Variants in USP48 observed in about 807,000 individuals in gnomAD.
USP48 encodes the protein ubiquitin specific peptidase 48, also known as ubiquitin carboxyl-terminal hydrolase 48.
Under a neutral mutation model 150.7 loss-of-function variants are expected in USP48, and 43 were observed. The observed-to-expected ratio is 0.29, with a 90% CI of 0.22 to 0.37. The LOEUF (loss-of-function observed/expected upper bound fraction) is 0.37. Among genes scored for constraint, USP48 ranks in the 10% least tolerant of loss-of-function variants. The probability of loss-of-function intolerance (pLI) is 1.00; values close to 1 mark genes in which losing one functional copy is unlikely to be tolerated. For missense variants in USP48, 813 were observed against 1,249.6 expected (o/e 0.65, Z 5.27); for synonymous variants, 396 against 425.9 (o/e 0.93, Z 0.86).
At chr1:21,775,521 T>C (rs942585843) in intron 1 of USP48, among the ~76,000 whole-genome samples, 4 of 152,192 alleles carry the variant, frequency 2.6e-5, no homozygotes, top group African/African-American at 7.2e-5. Flanking sequence ...TAACAAAGTG[T>C]TGGGACTACA....
At chr1:21,738,218 C>T (rs576125192) in intron 8 of USP48, among the ~76,000 whole-genome samples, 14 of 151,964 alleles carry the variant, frequency 9.2e-5, no homozygotes, top group South Asian at 2.1e-4. Flanking sequence ...CCACCACACC[C>T]GGCTAATTTT....
At chr1:21,713,070 C>G (rs1046353697) in intron 15 of USP48, among the ~76,000 whole-genome samples, 1 of 151,086 alleles carries the variant, frequency 6.6e-6, no homozygotes, top group Non-Finnish European at 1.5e-5. Context: ...CTCCCTCCCT[C>G]CCTTTCTTTC....
chr1:21,752,504 T>A, intron 5 of USP48, 23 bp downstream of exon 5: 1 of 1,602,804 alleles, frequency 6.2e-7, no homozygotes, highest in Middle Eastern at 1.7e-4. Flanking sequence ...AAATGTACCA[T>A]GAAAAAGTTG....
chr1:21,745,570 TAATAAAA>T (rs2097792628), intron 8 of USP48, among the ~76,000 whole-genome samples: 1 of 151,972 alleles, frequency 6.6e-6, no homozygotes, highest in African/African-American at 2.4e-5. Context: ...AAAAACAAAT[TAATAAAA>T]AATAAAAAAT....
At chr1:21,732,196 T>C (rs2097758491) in intron 9 of USP48, among the ~76,000 whole-genome samples, 1 of 152,100 alleles carries the variant, frequency 6.6e-6, no homozygotes, top group South Asian at 2.1e-4. Context: ...GGAGAACTGC[T>C]TGAACCCAGA....
chr1:21,760,567 C>T (rs977201477), intron 1 of USP48, among the ~76,000 whole-genome samples: 11 of 151,078 alleles, frequency 7.3e-5, no homozygotes, highest in African/African-American at 2.7e-4. Flanking sequence ...TACAAAAATT[C>T]GCCAGGAGTG....
At chr1:21,701,094 C>A (rs1054370258) in intron 22 of USP48, among the ~76,000 whole-genome samples, 1 of 144,412 alleles carries the variant, frequency 6.9e-6, no homozygotes, top group Non-Finnish European at 1.5e-5. Context: ...AGGCCGGGTG[C>A]GGTGGCTCCT....
chr1:21,759,786 T>A (rs74413987), intron 1 of USP48, among the ~76,000 whole-genome samples: 10,899 of 152,056 alleles, frequency 0.072, 466 homozygotes, highest in Middle Eastern at 0.11. Flanking sequence ...AAACCAACTA[T>A]CAAAGTGGAA....
chr1:21,758,961 T>G (rs1293971967), intron 1 of USP48, among the ~76,000 whole-genome samples: 1 of 151,780 alleles, frequency 6.6e-6, no homozygotes, highest in African/African-American at 2.4e-5. Flanking sequence ...CACTTGAGGT[T>G]AGGAGTTTTG....
At chr1:21,753,990 G>A (rs1336691073) in intron 3 of USP48, among the ~76,000 whole-genome samples, 3 of 151,840 alleles carry the variant, frequency 2.0e-5, no homozygotes, top group African/African-American at 4.8e-5. Context: ...GCGAAACCCC[G>A]TCTCTATTAA....
chr1:21,703,529 C>T lies in USP48; in HGVS notation c.2605G>A (p.Val869Ile). 6.2e-7 allele frequency: 1 copy of T among 1,612,898 alleles called. No individual in the cohort carries two copies. Among genetic ancestry groups the T allele is most frequent in the Non-Finnish European group, 8.5e-7 (1 of 1,179,746 alleles). ...ACCAGTACCTTTTTATTATCCACAA[C>T]TTTATGGACATAGATGGTGGCTTGA... is the stretch of plus-strand genomic sequence containing the variant. ...YTQATIYVHK[V>I]VDNKKVMKDS... The change falls in exon 21 of 27, where the codon GTT (valine) becomes ATT (isoleucine). Residue 869 changes from valine to isoleucine, a missense_variant. By Grantham distance (29) the Val-to-Ile change is conservative. Coordinates refer to ENST00000308271, the MANE Select transcript of USP48 (RefSeq NM_032236.8).
Position 21,695,208 on chromosome 1 carries a change from G to T in USP48, c.2741C>A (p.Thr914Lys), listed in dbSNP as rs1406659561. The T allele has an allele frequency of 3.1e-6, 5 of 1,610,960 alleles. No individual in the cohort carries two copies. Among genetic ancestry groups the T allele is most frequent in the Non-Finnish European group, 3.4e-6 (4 of 1,179,016 alleles). Residue 914 changes from threonine (T) to lysine (K), a missense_variant, in exon 23 of 27, where the codon ACA becomes AAA. Physicochemically the swap from Thr to Lys is moderately conservative, Grantham distance 78. Transcript: ENST00000308271. ...DPDFNQSNGG[T>K]KRQKISHQNY... ...TTGATGGGATATCTTTTGCCGCTTT[G>T]TTCCACCATTGCTCTATAATGAAGA...
chr1:21,681,081 G>C (rs1437619414), intron 25 of USP48: 2 of 373,012 alleles, frequency 5.4e-6, no homozygotes, highest in African/African-American at 4.4e-5. Flanking sequence ...TGTAACTAGG[G>C]CACACCTAGT....
intron 11 of USP48, 106 bp from the exon 12 acceptor site, chr1:21,724,201 CAGA>C: frequency 8.9e-7 from 1 of 1,123,206 alleles, no homozygotes; most frequent in Non-Finnish European, 1.3e-6. Flanking sequence ...CCAGAGTTAG[CAGA>C]ATCAGAAGAA....
In USP48 at chr1:21,706,967, G is replaced by A. The variant is rs558056741; in HGVS notation, c.1964-99C>T. 3,006 of 1,294,248 alleles carry A rather than the reference G, an allele frequency of 2.3e-3. 4 individuals carry two copies. The highest frequency in any genetic ancestry group is 2.9e-3 in the Non-Finnish European group (2,834 of 962,294). 80.2% of individuals were successfully genotyped at this position (1,294,248 alleles called of 1,614,324 possible). On this transcript the variant is annotated intron_variant, in intron 15 of 26. Transcript: ENST00000308271. ...AAACTTAAGAAAAATCCACAGGTAC[G>A]CTTTTCTTGCTTTGCTAAAGTTTGG...
At chr1:21,710,948 C>T (rs2152528005) in intron 15 of USP48, among the ~76,000 whole-genome samples, 1 of 152,086 alleles carries the variant, frequency 6.6e-6, no homozygotes, top group South Asian at 2.1e-4. Flanking sequence ...TCTAGGACTA[C>T]AGCCGTGTGC....
Position 21,747,143 on chromosome 1 carries a change from A to T in USP48, c.915T>A (p.Thr305=). 1 of 1,609,432 alleles carries T rather than the reference A, an allele frequency of 6.2e-7. No homozygotes were observed. Among genetic ancestry groups the T allele is most frequent in the Non-Finnish European group, 8.5e-7 (1 of 1,179,188 alleles). ...AGGTATTCAGCTTTTTCTTATGTCC[A>T]GTTTGCCTAACCAAGAGGAAAGCTG... The part of the protein sequence containing the change: ...QLMRFVFDRQ[T]GHKKKLNTYI... Residue 305 remains threonine, a synonymous_variant, in exon 8 of 27, where the codon ACT becomes ACA. Coordinates refer to ENST00000308271, the MANE Select transcript of USP48 (RefSeq NM_032236.8).
intron 15 of USP48, among the ~76,000 whole-genome samples, chr1:21,709,619 TA>T (rs1361347514): frequency 6.6e-6 from 1 of 151,434 alleles, no homozygotes; most frequent in Non-Finnish European, 1.5e-5. Flanking sequence ...TTGTGTGTGG[TA>T]TAACCCCATG....
At position 21,781,099 on chromosome 1, in the gene USP48, G is replaced by A. The variant is rs536153297; in HGVS notation, c.134+1725C>T. On this transcript the variant is annotated intron_variant, in intron 1 of 26. Transcript: ENST00000308271. ...ATTTATTTTTTTAAATTTATCCAGC[G>A]TCTCACGACGCTGTCTCGAAAAAAA... 1.2e-4 allele frequency among the ~76,000 whole-genome samples: 18 copies of A among 149,212 alleles called. No homozygotes were observed. In the South Asian group the frequency reaches 3.6e-3, roughly 30 times the overall value.
Sources: gnomAD v4.1 joint callset for allele counts (sites outside exome capture counted in the v4.1 genomes callset) on GRCh38, gnomAD v4.1.1 for gene constraint, MANE v1.5 for transcripts, NCBI Gene and HGNC (gene_info 2026-07-23, HGNC 2026-07-21) for gene names.